GRM1: variants seen among roughly 807,000 people sequenced by gnomAD.
The protein encoded by GRM1 is glutamate metabotropic receptor 1.
GRM1 carries 33 observed loss-of-function variants against 90.9 expected under a neutral mutation model. The observed-to-expected ratio is 0.36, with a 90% confidence interval of 0.28 to 0.49. The LOEUF (loss-of-function observed/expected upper bound fraction) is 0.49, where lower values mean the gene tolerates loss of function less well. Ranked by LOEUF, GRM1 falls within the 20% of genes least tolerant of loss-of-function variation. The pLI is 0.99. For missense variants in GRM1, 1,190 were observed against 1,534.3 expected (o/e 0.78, Z 3.75); for synonymous variants, 700 against 613.2 (o/e 1.14, Z -2.09).
intron 1 of GRM1, among the ~76,000 whole-genome samples, chr6:146,149,292 T>G (rs752071142): frequency 2.0e-5 from 3 of 152,174 alleles, no homozygotes; most frequent in Non-Finnish European, 4.4e-5. Context: ...CAGAAAGTCA[T>G]GGACACAAGG....
intron 2 of GRM1, among the ~76,000 whole-genome samples, chr6:146,280,503 A>AAT (rs934969187): frequency 6.6e-5 from 10 of 152,210 alleles, no homozygotes; most frequent in African/African-American, 2.2e-4. Flanking sequence ...TGAATCCCTT[A>AAT]ATATACACAG....
At chr6:146,069,204 T>C (rs1393603783) in intron 1 of GRM1, among the ~76,000 whole-genome samples, 2 of 152,180 alleles carry the variant, frequency 1.3e-5, no homozygotes, top group Non-Finnish European at 2.9e-5. Context: ...TCCTTGTGAC[T>C]GTGATCACTT....
intron 2 of GRM1, among the ~76,000 whole-genome samples, chr6:146,231,737 A>G (rs924740009): frequency 3.3e-5 from 5 of 152,090 alleles, no homozygotes; most frequent in African/African-American, 1.2e-4. Flanking sequence ...ATGTTAAATT[A>G]GCCTTTTTAA....
chr6:146,111,855 G>A (rs866705663), intron 1 of GRM1, among the ~76,000 whole-genome samples: 16 of 152,152 alleles, frequency 1.1e-4, no homozygotes, highest in South Asian at 6.2e-4. Context: ...AGAAAAGCTC[G>A]TGATACAATG....
At chr6:146,423,743 G>T (rs901401238) in intron 7 of GRM1, among the ~76,000 whole-genome samples, 3 of 152,128 alleles carry the variant, frequency 2.0e-5, no homozygotes, top group Non-Finnish European at 4.4e-5. Flanking sequence ...TTGCTAAGTT[G>T]TCAAGGCATC....
At chr6:146,224,922 T>C (rs1420442619) in intron 2 of GRM1, among the ~76,000 whole-genome samples, 1 of 152,198 alleles carries the variant, frequency 6.6e-6, no homozygotes, top group South Asian at 2.1e-4. Context: ...AAAGCTGACT[T>C]TTCTCTTGGG....
intron 2 of GRM1, among the ~76,000 whole-genome samples, chr6:146,197,725 T>G (rs1779169169): frequency 1.3e-5 from 2 of 152,256 alleles, no homozygotes; most frequent in African/African-American, 2.4e-5. Context: ...GACAACTGTT[T>G]GTGATTTTCT....
At chr6:146,385,878 G>A (rs996436875) in intron 5 of GRM1, among the ~76,000 whole-genome samples, 6 of 151,980 alleles carry the variant, frequency 3.9e-5, no homozygotes, top group African/African-American at 1.4e-4. Context: ...AATGTACATT[G>A]TGATAAATTA....
At chr6:146,241,309 T>C (rs1376126847) in intron 2 of GRM1, among the ~76,000 whole-genome samples, 31 of 152,098 alleles carry the variant, frequency 2.0e-4, no homozygotes, top group Admixed American at 2.0e-3. Context: ...TTACCTTTAC[T>C]AAACCTTTCT....
chr6:146,255,587 G>A (rs930822263), intron 2 of GRM1, among the ~76,000 whole-genome samples: 1 of 152,068 alleles, frequency 6.6e-6, no homozygotes, highest in African/African-American at 2.4e-5. Context: ...TTTCTCCTGT[G>A]TCTGGATCTC....
Position 146,434,555 on chromosome 6 carries a change from G to A in GRM1, c.3344G>A (p.Arg1115Gln), listed in dbSNP as rs867724688. 2 of 1,613,964 alleles carry A rather than the reference G, an allele frequency of 1.2e-6. No homozygotes were observed. The highest frequency in any genetic ancestry group is 1.3e-5 in the African/African-American group (1 of 74,930). Residue 1115 changes from arginine (R) to glutamine (Q), a missense_variant, in exon 8 of 8, where the codon CGG becomes CAG. Transcript: ENST00000282753. ...CAGGAGTACGTGTATGAGCACGAGC[G>A]GGAAGGGAACACGGAAGAAGACGAA... is the stretch of plus-strand genomic sequence containing the variant. ...LLQEYVYEHE[R>Q]EGNTEEDELE... is the part of the protein sequence containing the mutation.
Position 146,424,082 on chromosome 6 carries a change from C to T in GRM1, c.2661-9790C>T, listed in dbSNP as rs77751425. On this transcript the variant is annotated intron_variant, in intron 7 of 7. Coordinates refer to ENST00000282753, the MANE Select transcript of GRM1 (RefSeq NM_001278064.2). The stretch of plus-strand genomic sequence containing the variant: ...GGCAGAGGTCATAGGGAAGTTGAAC[C>T]GGTTACCTCTCTTTCTCATGTCCTC... Among the ~76,000 whole-genome samples the T allele has an allele frequency of 1.7e-3, 262 of 152,242 alleles. 9 individuals carry two copies. In the East Asian group the frequency reaches 0.047, roughly 27 times the overall value.
chr6:146,401,127 A>G (rs542982494), intron 7 of GRM1, among the ~76,000 whole-genome samples: 1 of 152,246 alleles, frequency 6.6e-6, no homozygotes, highest in South Asian at 2.1e-4. Context: ...TGCAGAATTT[A>G]TATACTTTGA....
chr6:146,048,757 G>A (rs1001600560), intron 1 of GRM1, among the ~76,000 whole-genome samples: 5 of 151,846 alleles, frequency 3.3e-5, no homozygotes, highest in African/African-American at 7.3e-5. Flanking sequence ...AGATGAAGAC[G>A]GAGATTGGGG....
In GRM1 at chr6:146,029,582, G is replaced by A. The variant is rs888904995; in HGVS notation, c.65G>A (p.Ser22Asn). 1 of 1,614,130 alleles carries A rather than the reference G, an allele frequency of 6.2e-7. No individual in the cohort carries two copies. The highest frequency in any genetic ancestry group is 1.7e-5 in the Admixed American group (1 of 60,026). Reference sequence around the variant, plus strand: ...TTGGAGGTGTCCCTTCTCCCCAGAAGCCCCGGCAGGAAAGTGTTGCTGGCA... The same window carrying A: ...TTGGAGGTGTCCCTTCTCCCCAGAAACCCCGGCAGGAAAGTGTTGCTGGCA... The part of the protein sequence containing the change: ...IFLEVSLLPR[S>N]PGRKVLLAGA... Residue 22 changes from serine to asparagine, a missense_variant, in exon 1 of 8, where the codon AGC becomes AAC. Physicochemically the swap from Ser to Asn is conservative, Grantham distance 46 (BLOSUM62 1). Coordinates refer to ENST00000282753, the MANE Select transcript of GRM1 (RefSeq NM_001278064.2).
At chr6:146,118,903 A>G (rs1280334175) in intron 1 of GRM1, among the ~76,000 whole-genome samples, 2 of 152,224 alleles carry the variant, frequency 1.3e-5, no homozygotes, top group Non-Finnish European at 2.9e-5. Flanking sequence ...GTAAACATAC[A>G]TGTGCATGTG....
At chr6:146,353,995 C>G (rs1349980494) in intron 4 of GRM1, among the ~76,000 whole-genome samples, 1 of 152,148 alleles carries the variant, frequency 6.6e-6, no homozygotes, top group African/African-American at 2.4e-5. Flanking sequence ...AAGTAAGTCT[C>G]CATGTATCTG....
chr6:146,096,786 C>T (rs1331818397), intron 1 of GRM1, among the ~76,000 whole-genome samples: 2 of 152,120 alleles, frequency 1.3e-5, no homozygotes, highest in East Asian at 3.9e-4. Flanking sequence ...TCATTTTTAG[C>T]TGTGAGATAG....
At chr6:146,129,055 C>A (rs1255962432) in intron 1 of GRM1, among the ~76,000 whole-genome samples, 19 of 152,156 alleles carry the variant, frequency 1.2e-4, no homozygotes, top group Admixed American at 1.1e-3. Flanking sequence ...TTTTCCGGTA[C>A]ATGTAAAATT....
Sources: gnomAD v4.1 joint callset for allele counts (sites outside exome capture counted in the v4.1 genomes callset) on GRCh38, gnomAD v4.1.1 for gene constraint, MANE v1.5 for transcripts, NCBI Gene and HGNC (gene_info 2026-07-23, HGNC 2026-07-21) for gene names.